Variants in INPP4A observed in about 807,000 individuals in gnomAD.
INPP4A encodes the protein inositol polyphosphate-4-phosphatase, type I, 107kD.
A neutral mutation model predicts 119.8 loss-of-function variants in INPP4A; 33 were observed. That is an observed-to-expected ratio of 0.28 (90% CI 0.21 to 0.37). INPP4A has a LOEUF of 0.37. Among genes scored for constraint, INPP4A ranks in the 10% least tolerant of loss-of-function variants. The probability of loss-of-function intolerance (pLI) is 1.00; values close to 1 mark genes in which losing one functional copy is unlikely to be tolerated. For synonymous variants in INPP4A, 496 were observed against 500.7 expected (o/e 0.99, Z 0.12); for missense variants, 956 against 1,289.9 (o/e 0.74, Z 3.97).
intron 1 of INPP4A, among the ~76,000 whole-genome samples, chr2:98,510,497 C>A (rs1356718937): frequency 1.3e-5 from 2 of 152,168 alleles, no homozygotes; most frequent in Non-Finnish European, 2.9e-5. Context: ...ACTTCTTAGA[C>A]CTGTGGATGT....
At position 98,520,732 on chromosome 2, in the gene INPP4A, G is replaced by T; in HGVS notation, c.151+1G>T. 1 of 1,446,266 alleles carries T rather than the reference G, an allele frequency of 6.9e-7. No individual in the cohort carries two copies. Among genetic ancestry groups the T allele is most frequent in the Non-Finnish European group, 9.4e-7 (1 of 1,061,172 alleles). The allele number at this position is 1,446,266 out of a possible 1,614,324, so 89.6% of individuals were successfully genotyped here. A position where few individuals can be genotyped will look rare whatever the true frequency, so the allele number is the denominator to read the frequency against. ...GAGCCCATTTTAGAATTTAGCTTAG[G>T]TAGGTATCTTTCATTATTTTTTTGT... On this transcript the variant is annotated splice_donor_variant, in intron 4 of 24. Transcript: ENST00000409851. LOFTEE classifies it high-confidence loss of function.
At chr2:98,491,935 G>C (rs1484704119) in intron 1 of INPP4A, among the ~76,000 whole-genome samples, 2 of 152,032 alleles carry the variant, frequency 1.3e-5, no homozygotes, top group Admixed American at 6.5e-5. Context: ...TGTCACCTGG[G>C]CTAGAGTACA....
At chr2:98,564,046 G>T (rs189802093) in intron 18 of INPP4A, among the ~76,000 whole-genome samples, 20 of 151,302 alleles carry the variant, frequency 1.3e-4, no homozygotes, top group African/African-American at 4.4e-4. Context: ...TCTGCAGCTT[G>T]TTGCAGGACT....
intron 1 of INPP4A, among the ~76,000 whole-genome samples, chr2:98,462,985 G>C (rs1190776854): frequency 6.6e-6 from 1 of 152,130 alleles, no homozygotes; most frequent in Non-Finnish European, 1.5e-5. Flanking sequence ...GGGATTACAG[G>C]TGTGTGCCAT....
chr2:98,534,275 C>G (rs934804951), intron 5 of INPP4A, among the ~76,000 whole-genome samples: 1 of 152,198 alleles, frequency 6.6e-6, no homozygotes, highest in Non-Finnish European at 1.5e-5. Flanking sequence ...CACCAGGGCA[C>G]AGTCCCTGCC....
rs190732502 is a variant in INPP4A at position 98,585,397 on chromosome 2, A to G, written c.2787-2079A>G. Reference sequence around the variant, plus strand: ...GCCCTTGAAAAGAAATAATTTATTGATATAATAAAAGTAATCATGGAGCTT... The same window carrying G: ...GCCCTTGAAAAGAAATAATTTATTGGTATAATAAAAGTAATCATGGAGCTT... On this transcript the variant is annotated intron_variant, in intron 24 of 24. Coordinates refer to ENST00000409851, the MANE Select transcript of INPP4A (RefSeq NM_001134225.2). 1.4e-3 allele frequency among the ~76,000 whole-genome samples: 213 copies of G among 152,338 alleles called. 1 individual carries two copies. The highest frequency in any genetic ancestry group is 5.0e-3 in the African/African-American group (207 of 41,572).
At chr2:98,483,987 A>G (rs945853390) in intron 1 of INPP4A, among the ~76,000 whole-genome samples, 2 of 152,180 alleles carry the variant, frequency 1.3e-5, no homozygotes, top group African/African-American at 4.8e-5. Context: ...CATAACTGAA[A>G]GATGGCTGGT....
At chr2:98,489,522 G>A (rs1006856002) in intron 1 of INPP4A, among the ~76,000 whole-genome samples, 1 of 152,116 alleles carries the variant, frequency 6.6e-6, no homozygotes, top group Admixed American at 6.5e-5. Flanking sequence ...GAGGCACCAA[G>A]TGAGGGCTGT....
chr2:98,445,103 G>A lies in INPP4A; in HGVS notation c.-166+18G>A, dbSNP rs1207997758. On this transcript the variant is annotated intron_variant, in intron 1 of 24. Coordinates refer to ENST00000409851, the MANE Select transcript of INPP4A (RefSeq NM_001134225.2). Reference sequence around the variant, plus strand: ...AGCGCCAGGTAGGTGGGCCGGGCCGGGCAGGAGGCGACGCGGCCGCCGCGG... The same window carrying A: ...AGCGCCAGGTAGGTGGGCCGGGCCGAGCAGGAGGCGACGCGGCCGCCGCGG... 1 of 150,170 alleles carries A rather than the reference G, an allele frequency of 6.7e-6. No individual in the cohort carries two copies. The highest frequency in any genetic ancestry group is 1.5e-5 in the Non-Finnish European group (1 of 67,124). 9.3% of individuals were successfully genotyped at this position (150,170 alleles called of 1,614,324 possible).
intron 1 of INPP4A, among the ~76,000 whole-genome samples, chr2:98,508,490 C>T (rs1046183328): frequency 1.3e-5 from 2 of 152,192 alleles, no homozygotes; most frequent in Non-Finnish European, 2.9e-5. Flanking sequence ...CAGAGATAAG[C>T]CCAACTCACA....
At chr2:98,488,951 G>A (rs1216655840) in intron 1 of INPP4A, among the ~76,000 whole-genome samples, 1 of 150,392 alleles carries the variant, frequency 6.6e-6, no homozygotes. Flanking sequence ...GTGTGTGTGT[G>A]TGTGTGTGTG....
chr2:98,496,882 A>G (rs931815960), intron 1 of INPP4A, among the ~76,000 whole-genome samples: 27 of 152,206 alleles, frequency 1.8e-4, no homozygotes, highest in African/African-American at 5.3e-4. Flanking sequence ...TTCTACTGCT[A>G]TCTGCTTTAT....
rs1246679883 is a variant in INPP4A at position 98,588,987 on chromosome 2, G to C, written c.*1379G>C. ...AACAAACTTGGGCCAGGGGTGCTGA[G>C]GCATGGGGAGGACTGCTTATTGGCA... On this transcript the variant is annotated 3_prime_UTR_variant, in exon 25 of 25. Coordinates refer to ENST00000409851, the MANE Select transcript of INPP4A (RefSeq NM_001134225.2). The C allele has an allele frequency of 5.4e-6, 1 of 184,422 alleles. No individual in the cohort carries two copies. Among genetic ancestry groups the C allele is most frequent in the African/African-American group, 2.3e-5 (1 of 42,598 alleles). The allele number at this position is 184,422 out of a possible 1,614,324, so 11.4% of individuals were successfully genotyped here.
At chr2:98,525,148 C>A (rs1374908946) in intron 4 of INPP4A, among the ~76,000 whole-genome samples, 1 of 152,146 alleles carries the variant, frequency 6.6e-6, no homozygotes, top group Non-Finnish European at 1.5e-5. Context: ...TTTAGGACTC[C>A]ATTTTTTTGC....
chr2:98,532,487 G>A (rs754841214), intron 4 of INPP4A, among the ~76,000 whole-genome samples: 25 of 152,276 alleles, frequency 1.6e-4, no homozygotes, highest in Admixed American at 8.5e-4. Flanking sequence ...ATAGTCGTGT[G>A]TCATTTAATG....
chr2:98,456,386 G>A (rs1175357770), intron 1 of INPP4A, among the ~76,000 whole-genome samples: 2 of 152,200 alleles, frequency 1.3e-5, no homozygotes, highest in Admixed American at 6.5e-5. Context: ...CCAGGCTGGA[G>A]TGCAGTGGTG....
At chr2:98,513,974 GT>G (rs1239439087) in intron 1 of INPP4A, among the ~76,000 whole-genome samples, 2 of 152,218 alleles carry the variant, frequency 1.3e-5, no homozygotes, top group African/African-American at 2.4e-5. Context: ...CAGGACCCCT[GT>G]TAGGTGTAGA....
rs1460519167 is a variant in INPP4A, at chr2:98,546,812, G to A, written c.1163+118G>A. ...ACCCAGCCATCTGATCTGCTTTTGC[G>A]TGGCAGGAGGATCTGCCTTATGGAG... On this transcript the variant is annotated intron_variant, in intron 13 of 24. Coordinates refer to ENST00000409851, the MANE Select transcript of INPP4A (RefSeq NM_001134225.2). The surrounding 1 kb of genome is among the most constrained non-coding windows in gnomAD (Gnocchi z 4.2). The A allele has an allele frequency of 1.9e-5, 13 of 686,730 alleles. No homozygotes were observed. Among genetic ancestry groups the A allele is most frequent in the East Asian group, 2.8e-5 (1 of 35,826 alleles). The allele number at this position is 686,730 out of a possible 1,614,324, so 42.5% of individuals were successfully genotyped here. A position where few individuals can be genotyped will look rare whatever the true frequency, so the allele number is the denominator to read the frequency against.
rs1292809714 is a variant in INPP4A at position 98,554,484 on chromosome 2, G to C, written c.1561G>C (p.Glu521Gln). The C allele has an allele frequency of 6.2e-7, 1 of 1,612,856 alleles. No individual in the cohort carries two copies. Among genetic ancestry groups the C allele is most frequent in the Non-Finnish European group, 8.5e-7 (1 of 1,179,458 alleles). ...CCTGCAGGTGGACTGGCACGAGGAG[G>C]AGTGGGTGAGTCTGCTGCTGTGGCT... is the stretch of plus-strand genomic sequence containing the variant. ...SSLQVDWHEE[E>Q]WEKVWLNVDK... is the part of the protein sequence containing the mutation. The change falls in exon 15 of 25, where the codon GAG becomes CAG. Residue 521 changes from glutamate to glutamine, a missense_variant. This residue lies in a region of INPP4A where 652 missense variants were observed against 797.9 expected (regional missense o/e 0.82). Coordinates refer to ENST00000409851, the MANE Select transcript of INPP4A (RefSeq NM_001134225.2). The surrounding 1 kb of genome is among the most constrained non-coding windows in gnomAD (Gnocchi z 4.7).
Sources: allele counts gnomAD v4.1 joint callset (sites outside exome capture counted in the v4.1 genomes callset), GRCh38; gene constraint gnomAD v4.1.1; regional missense constraint gnomAD v4.1.1; non-coding constraint Gnocchi (gnomAD v3.1); transcripts MANE v1.5; gene names NCBI Gene and HGNC (gene_info 2026-07-23, HGNC 2026-07-21).